The following TMCC2 variants were observed in gnomAD, a reference collection of about 807,000 sequenced individuals.
TMCC2 encodes the protein transmembrane and coiled-coil domains protein 2.
A neutral mutation model predicts 49.4 loss-of-function variants in TMCC2; 16 were observed. The observed-to-expected ratio is 0.32, with a 90% CI of 0.22 to 0.49. TMCC2 has a LOEUF of 0.49. Among genes scored for constraint, TMCC2 ranks in the 20% least tolerant of loss-of-function variants. The pLI, the probability that TMCC2 is intolerant of heterozygous loss-of-function variation, is 0.99. For missense variants in TMCC2, 762 were observed against 989.8 expected (o/e 0.77, Z 3.09); for synonymous variants, 397 against 434.1 (o/e 0.91, Z 1.06).
intron 2 of TMCC2, among the ~76,000 whole-genome samples, chr1:205,262,399 A>T (rs1661153828): frequency 6.6e-6 from 1 of 152,112 alleles, no homozygotes; most frequent in Non-Finnish European, 1.5e-5. Context: ...CAGGCCCAGG[A>T]GTGTCTCTTC....
At chr1:205,237,144 A>G (rs1660085827) in intron 1 of TMCC2, among the ~76,000 whole-genome samples, 1 of 152,164 alleles carries the variant, frequency 6.6e-6, no homozygotes, top group African/African-American at 2.4e-5. Context: ...GAACAGTTGC[A>G]GCTGCCTACT....
intron 2 of TMCC2, chr1:205,257,106 T>C: frequency 8.2e-7 from 1 of 1,213,222 alleles, no homozygotes; most frequent in Middle Eastern, 3.2e-4. Flanking sequence ...CCTCCCTGTC[T>C]CCTGCCAGAT....
chr1:205,271,805 C>A lies in TMCC2; in HGVS notation c.1819-8C>A, dbSNP rs542083069. ...AGCGCACACATGCCAGCCCCTCTGC[C>A]CCTGCAGGAGGCCGTGGAGTCCTGC... On this transcript the variant is annotated splice_region_variant and splice_polypyrimidine_tract_variant and intron_variant, in intron 4 of 4. Coordinates refer to ENST00000358024, the MANE Select transcript of TMCC2 (RefSeq NM_014858.4). 2 of 1,606,760 alleles carry A rather than the reference C, an allele frequency of 1.2e-6. No individual in the cohort carries two copies. Among genetic ancestry groups the A allele is most frequent in the African/African-American group, 1.3e-5 (1 of 74,998 alleles).
intron 1 of TMCC2, among the ~76,000 whole-genome samples, chr1:205,234,617 T>TA (rs1385948424): frequency 6.6e-6 from 1 of 151,946 alleles, no homozygotes; most frequent in East Asian, 1.9e-4. Context: ...ATCAGAAACT[T>TA]ATGGGGGTTA....
In TMCC2 at chr1:205,269,091, C is replaced by T. The variant is rs1661468478; in HGVS notation, c.889C>T (p.Leu297=). ...AAIDHLHQKI[L]KITEQIKIEQ... The stretch of plus-strand genomic sequence containing the variant: ...CATTGACCACCTGCACCAGAAGATC[C>T]TGAAGATCACCGAGCAGATCAAGAT... Residue 297 remains leucine (L), a synonymous_variant, in exon 3 of 5, where the codon CTG becomes TTG. Coordinates refer to ENST00000358024, the MANE Select transcript of TMCC2 (RefSeq NM_014858.4). The T allele has an allele frequency of 3.7e-6, 6 of 1,613,976 alleles. No homozygotes were observed. The highest frequency in any genetic ancestry group is 4.2e-6 in the Non-Finnish European group (5 of 1,180,030).
intron 1 of TMCC2, chr1:205,229,815 A>G (rs1659720802): frequency 5.1e-6 from 5 of 985,282 alleles, no homozygotes; most frequent in Non-Finnish European, 6.0e-6. Context: ...TGCCGAGACA[A>G]TTGGCGAGCT....
At position 205,272,068 on chromosome 1, in the gene TMCC2, T is replaced by C. The variant is rs1661623194; in HGVS notation, c.2074T>C (p.Trp692Arg). Residue 692 changes from tryptophan (W) to arginine (R), a missense_variant, in exon 5 of 5, where the codon TGG becomes CGG. Around this residue, in one of 2 missense-constraint regions of TMCC2, gnomAD observed 440 missense variants for 636.7 expected, o/e 0.69. Transcript: ENST00000358024. ...CCTGGTCCTCGTCCTGTTCCTCCTC[T>C]GGAAGCACTGGGACTCCCTCACCTA... The part of the protein sequence containing the change: ...TLLVLVLFLL[W>R]KHWDSLTYLL... The C allele has an allele frequency of 6.2e-7, 1 of 1,614,056 alleles. No homozygotes were observed. Among genetic ancestry groups the C allele is most frequent in the Admixed American group, 1.7e-5 (1 of 60,008 alleles).
In TMCC2 at chr1:205,241,727, C is replaced by G. The variant is rs200429926; in HGVS notation, c.430C>G (p.Arg144Gly). 2 of 1,613,346 alleles carry G rather than the reference C, an allele frequency of 1.2e-6. No homozygotes were observed. The highest frequency in any genetic ancestry group is 1.7e-6 in the Non-Finnish European group (2 of 1,180,016). Residue 144 changes from arginine (R) to glycine (G), a missense_variant, in exon 2 of 5, where the codon CGG becomes GGG. Transcript: ENST00000358024. This position sits in a 1 kb window ranked among gnomAD's most constrained non-coding sequence, Gnocchi z 7.3. ...YAMSLHDLPA[R>G]PTAFNRVLQQ... is the part of the protein sequence containing the mutation. ...CATGTCCCTGCACGACCTGCCCGCC[C>G]GGCCCACCGCCTTCAACCGCGTGCT...
chr1:205,255,545 C>T (rs1660832183), intron 2 of TMCC2, among the ~76,000 whole-genome samples: 1 of 152,058 alleles, frequency 6.6e-6, no homozygotes, highest in Admixed American at 6.5e-5. Context: ...CAGGGCAAAA[C>T]TCCATCTCAA....
chr1:205,237,291 T>C (rs1440578047), intron 1 of TMCC2, among the ~76,000 whole-genome samples: 1 of 152,150 alleles, frequency 6.6e-6, no homozygotes, highest in Admixed American at 6.5e-5. Context: ...AGTAGAACTC[T>C]GTGGGTTTTT....
chr1:205,240,104 G>A (rs1660208304), intron 1 of TMCC2, among the ~76,000 whole-genome samples: 1 of 152,228 alleles, frequency 6.6e-6, no homozygotes, highest in African/African-American at 2.4e-5. Flanking sequence ...AAATGGCTGG[G>A]CCCTGAGTTT....
chr1:205,248,058 T>C (rs1660522077), intron 2 of TMCC2, among the ~76,000 whole-genome samples: 1 of 152,226 alleles, frequency 6.6e-6, no homozygotes, highest in South Asian at 2.1e-4. Context: ...ATCCACTTAG[T>C]TGTCTTTGAG....
intron 1 of TMCC2, among the ~76,000 whole-genome samples, chr1:205,232,354 C>T (rs1305183687): frequency 6.6e-6 from 1 of 152,206 alleles, no homozygotes; most frequent in Non-Finnish European, 1.5e-5. Flanking sequence ...GCAACAGGAG[C>T]ACAACAATTC....
chr1:205,234,300 G>A (rs1173108601), intron 1 of TMCC2, among the ~76,000 whole-genome samples: 7 of 152,058 alleles, frequency 4.6e-5, no homozygotes, highest in Admixed American at 2.6e-4. Flanking sequence ...AGAAAAATTA[G>A]CCAGGCATGG....
Position 205,241,180 on chromosome 1 carries a change from G to A in TMCC2, c.208-325G>A, listed in dbSNP as rs1385210106. ...AGGGATACAACCCCATGAGCCAAGT[G>A]CTACCTGTGTATGCCATTAAGCCCC... is the stretch of plus-strand genomic sequence containing the variant. On this transcript the variant is annotated intron_variant, in intron 1 of 4. Coordinates refer to ENST00000358024, the MANE Select transcript of TMCC2 (RefSeq NM_014858.4). The surrounding 1 kb of genome is among the most constrained non-coding windows in gnomAD (Gnocchi z 7.3). Among the ~76,000 whole-genome samples, 1 of 152,144 alleles carries A rather than the reference G, an allele frequency of 6.6e-6. No homozygotes were observed. Among genetic ancestry groups the A allele is most frequent in the African/African-American group, 2.4e-5 (1 of 41,438 alleles).
chr1:205,240,056 T>G (rs1660205980), intron 1 of TMCC2, among the ~76,000 whole-genome samples: 2 of 152,230 alleles, frequency 1.3e-5, no homozygotes, highest in African/African-American at 4.8e-5. Flanking sequence ...TTGTGGGTTG[T>G]TCCTCACAGG....
At chr1:205,249,270 G>T (rs1001713700) in intron 2 of TMCC2, among the ~76,000 whole-genome samples, 6 of 152,154 alleles carry the variant, frequency 3.9e-5, no homozygotes, top group Non-Finnish European at 8.8e-5. Context: ...TGTGCTCTCC[G>T]TCCACTCCCA....
intron 1 of TMCC2, among the ~76,000 whole-genome samples, chr1:205,230,989 T>G (rs950161897): frequency 5.1e-4 from 1 of 1,954 alleles, no homozygotes. Context: ...ATCCACCCCA[T>G]CCCCCCATCC....
intron 2 of TMCC2, among the ~76,000 whole-genome samples, chr1:205,258,757 C>T (rs965527711): frequency 4.6e-5 from 7 of 152,236 alleles, no homozygotes; most frequent in African/African-American, 1.7e-4. Context: ...ATTTCAAGTT[C>T]CTTCTCTCCC....
Sources: allele counts gnomAD v4.1 joint callset (sites outside exome capture counted in the v4.1 genomes callset), GRCh38; gene constraint gnomAD v4.1.1; regional missense constraint gnomAD v4.1.1; non-coding constraint Gnocchi (gnomAD v3.1); transcripts MANE v1.5; gene names NCBI Gene and HGNC (gene_info 2026-07-23, HGNC 2026-07-21).